The following CSMD1 variants were observed in gnomAD, a reference collection of about 807,000 sequenced individuals.
The protein encoded by CSMD1 is CUB and sushi domain-containing protein 1.
A neutral mutation model predicts 417.5 loss-of-function variants in CSMD1; 213 were observed. The observed-to-expected ratio is 0.51, with a 90% confidence interval of 0.46 to 0.57. The LOEUF (loss-of-function observed/expected upper bound fraction) is 0.57, where lower values mean the gene tolerates loss of function less well. Among genes scored for constraint, CSMD1 ranks in the 20% least tolerant of loss-of-function variants. The pLI is 0.00. For synonymous variants in CSMD1, 2,862 were observed against 1,736.8 expected, an observed-to-expected ratio of 1.65 and a Z score of -16.11; for missense variants, 6,923 against 4,529.7, an observed-to-expected ratio of 1.53 and a Z score of -15.17.
intron 12 of CSMD1, among the ~76,000 whole-genome samples, chr8:3,422,009 C>A (rs1389710242): frequency 2.0e-5 from 3 of 151,932 alleles, no homozygotes; most frequent in Admixed American, 6.5e-5. Flanking sequence ...CCACCGCGCC[C>A]GGCCCCACAG....
chr8:4,464,064 G>T (rs901566225), intron 2 of CSMD1, among the ~76,000 whole-genome samples: 4 of 152,070 alleles, frequency 2.6e-5, no homozygotes, highest in African/African-American at 9.7e-5. Flanking sequence ...AATATGGTAA[G>T]AAGACTGAAA....
chr8:3,839,069 T>C (rs907131203), intron 5 of CSMD1, among the ~76,000 whole-genome samples: 58 of 126,672 alleles, frequency 4.6e-4, no homozygotes, highest in Non-Finnish European at 7.1e-4. Context: ...CCTATAGATA[T>C]ATAGCCTAGG....
At chr8:4,909,452 C>T (rs1220975977) in intron 1 of CSMD1, among the ~76,000 whole-genome samples, 1 of 152,166 alleles carries the variant, frequency 6.6e-6, no homozygotes, top group Non-Finnish European at 1.5e-5. Flanking sequence ...GTCTGTCTGA[C>T]ATGGAAGTAA....
intron 9 of CSMD1, among the ~76,000 whole-genome samples, chr8:3,580,730 A>C (rs1800346731): frequency 6.6e-6 from 1 of 152,224 alleles, no homozygotes; most frequent in Non-Finnish European, 1.5e-5. Flanking sequence ...TCTCTGAGAC[A>C]GTGGTTACCT....
At chr8:4,287,557 G>A (rs1022326389) in intron 3 of CSMD1, among the ~76,000 whole-genome samples, 1 of 151,972 alleles carries the variant, frequency 6.6e-6, no homozygotes, top group African/African-American at 2.4e-5. Context: ...TAACAAAGAC[G>A]GGGGACTAAT....
At chr8:3,538,723 C>T (rs1200028291) in intron 10 of CSMD1, among the ~76,000 whole-genome samples, 4 of 152,218 alleles carry the variant, frequency 2.6e-5, no homozygotes, top group African/African-American at 4.8e-5. Context: ...TTTTCCGTCA[C>T]GTGCACTTGC....
intron 1 of CSMD1, among the ~76,000 whole-genome samples, chr8:4,680,722 G>A (rs1805984462): frequency 6.6e-6 from 1 of 152,188 alleles, no homozygotes; most frequent in African/African-American, 2.4e-5. Flanking sequence ...TGGGATTACA[G>A]GTGAGGCCCA....
chr8:4,057,705 T>G (rs1025769172), intron 3 of CSMD1, among the ~76,000 whole-genome samples: 11 of 151,798 alleles, frequency 7.2e-5, no homozygotes, highest in African/African-American at 2.4e-4. Context: ...TGAATTGATT[T>G]CTGTACAAGG....
At chr8:4,764,673 T>C (rs1158613060) in intron 1 of CSMD1, among the ~76,000 whole-genome samples, 1 of 136,722 alleles carries the variant, frequency 7.3e-6, no homozygotes, top group African/African-American at 2.8e-5. Context: ...TTTCAAAACA[T>C]AAAAATTTGT....
intron 3 of CSMD1, among the ~76,000 whole-genome samples, chr8:4,216,735 G>C (rs1172226672): frequency 6.6e-6 from 1 of 152,170 alleles, no homozygotes; most frequent in African/African-American, 2.4e-5. Flanking sequence ...GAATGGAGAT[G>C]TTTTAAGACC....
chr8:4,990,884 G>C (rs1161548596), intron 1 of CSMD1, among the ~76,000 whole-genome samples: 3 of 152,162 alleles, frequency 2.0e-5, no homozygotes, highest in East Asian at 3.9e-4. Flanking sequence ...TCTCGCGGTG[G>C]AGTTACAGGG....
chr8:3,208,319 T>A (rs1214165450), intron 30 of CSMD1, among the ~76,000 whole-genome samples: 1 of 152,128 alleles, frequency 6.6e-6, no homozygotes, highest in African/African-American at 2.4e-5. Context: ...CAGGCTGGAG[T>A]GCAGTGGTGT....
intron 5 of CSMD1, among the ~76,000 whole-genome samples, chr8:3,936,521 G>C (rs1004316099): frequency 1.3e-5 from 2 of 152,152 alleles, no homozygotes; most frequent in Admixed American, 1.3e-4. Flanking sequence ...TAAGAATTCT[G>C]CTAAATCAAC....
chr8:4,047,666 G>C (rs138038688), intron 3 of CSMD1, among the ~76,000 whole-genome samples: 2 of 152,256 alleles, frequency 1.3e-5, no homozygotes, highest in African/African-American at 2.4e-5. Flanking sequence ...GGGGCATGCA[G>C]AGAGAAGAAA....
chr8:4,475,458 C>G (rs540938391), intron 2 of CSMD1, among the ~76,000 whole-genome samples: 1 of 152,020 alleles, frequency 6.6e-6, no homozygotes, highest in South Asian at 2.1e-4. Flanking sequence ...GGAAGGCAAC[C>G]CCATTTGATT....
At chr8:3,227,126 C>A (rs900335403) in intron 27 of CSMD1, among the ~76,000 whole-genome samples, 2 of 152,044 alleles carry the variant, frequency 1.3e-5, no homozygotes, top group Non-Finnish European at 2.9e-5. Context: ...ATGGGCTGGA[C>A]ACGATGGCTC....
intron 1 of CSMD1, among the ~76,000 whole-genome samples, chr8:4,765,221 C>T (rs969956376): frequency 2.0e-5 from 3 of 152,218 alleles, no homozygotes; most frequent in African/African-American, 7.2e-5. Context: ...TGGCATAGCT[C>T]TTACCTAGGC....
At chr8:3,818,470 G>C (rs2720740) in intron 5 of CSMD1, among the ~76,000 whole-genome samples, 19,815 of 152,178 alleles carry the variant, frequency 0.13, 1,338 homozygotes, top group East Asian at 0.16. Context: ...TGAGCTCAAT[G>C]CATGTGCTAA....
intron 1 of CSMD1, among the ~76,000 whole-genome samples, chr8:4,854,836 G>A (rs1459414819): frequency 6.6e-6 from 1 of 152,186 alleles, no homozygotes; most frequent in African/African-American, 2.4e-5. Context: ...GAGGCTGGGG[G>A]AGGGGCGCCC....
Sources: allele counts gnomAD v4.1 joint callset (sites outside exome capture counted in the v4.1 genomes callset), GRCh38; gene constraint gnomAD v4.1.1; transcripts MANE v1.5; gene names NCBI Gene and HGNC (gene_info 2026-07-23, HGNC 2026-07-21).